Variants in THUMPD3 observed in about 807,000 individuals in gnomAD.
THUMPD3 encodes THUMP domain 3 tRNA guanosine methyltransferase.
THUMPD3 carries 44 observed loss-of-function variants against 54.5 expected under a neutral mutation model. That is an observed-to-expected ratio of 0.81 (90% confidence interval 0.63 to 1.04). The LOEUF is 1.04. Ranked by LOEUF, THUMPD3 falls within the 50% of genes least tolerant of loss-of-function variation. The pLI, the probability that THUMPD3 is intolerant of heterozygous loss-of-function variation, is 0.00. For missense variants in THUMPD3, 604 were observed against 601.3 expected (o/e 1.00, Z -0.05); for synonymous variants, 196 against 201.4 (o/e 0.97, Z 0.23).
At chr3:9,368,355 C>T (rs1575055955) in intron 3 of THUMPD3, among the ~76,000 whole-genome samples, 1 of 129,348 alleles carries the variant, frequency 7.7e-6, no homozygotes, top group Non-Finnish European at 1.6e-5. Flanking sequence ...CCTCCACCCG[C>T]GCATATTTTT....
chr3:9,379,006 G>C (rs2032677672), intron 6 of THUMPD3, among the ~76,000 whole-genome samples: 1 of 152,110 alleles, frequency 6.6e-6, no homozygotes, highest in African/African-American at 2.4e-5. Flanking sequence ...TTCCATGTAA[G>C]AGTAGACATG....
In THUMPD3 at chr3:9,377,843, T is replaced by C. The variant is rs1016171250; in HGVS notation, c.963T>C (p.Asp321=). 9 of 1,613,602 alleles carry C rather than the reference T, an allele frequency of 5.6e-6. No homozygotes were observed. The highest frequency in any genetic ancestry group is 4.0e-5 in the African/African-American group (3 of 74,896). ...GGCTCTGTGATCCTCTACCTTATGATATAATAGTCGATCCAATGTGTGGAA... is the reference window on the plus strand; with the variant it reads ...GGCTCTGTGATCCTCTACCTTATGACATAATAGTCGATCCAATGTGTGGAA... ...MLRLCDPLPY[D]IIVDPMCGTG... The change falls in exon 6 of 10, where the codon GAT becomes GAC. Residue 321 remains aspartate, a synonymous_variant. Coordinates refer to ENST00000452837, the MANE Select transcript of THUMPD3 (RefSeq NM_001114092.2).
chr3:9,380,815 C>T, intron 7 of THUMPD3, 197 bp downstream of exon 7: 1 of 405,936 alleles, frequency 2.5e-6, no homozygotes, highest in Admixed American at 4.2e-5. Context: ...GATAATTTCC[C>T]CACCATATGC....
chr3:9,377,118 G>A (rs2032513065), intron 5 of THUMPD3, among the ~76,000 whole-genome samples: 1 of 152,122 alleles, frequency 6.6e-6, no homozygotes, highest in African/African-American at 2.4e-5. Flanking sequence ...ATTGATGCAT[G>A]TTTGACTTGA....
intron 5 of THUMPD3, among the ~76,000 whole-genome samples, chr3:9,377,465 C>G (rs1344795338): frequency 6.6e-6 from 1 of 152,134 alleles, no homozygotes; most frequent in African/African-American, 2.4e-5. Context: ...TCCCCGCCTT[C>G]TGGGTTCAAG....
chr3:9,382,753 G>A (rs902921502), intron 7 of THUMPD3, among the ~76,000 whole-genome samples: 2 of 152,160 alleles, frequency 1.3e-5, no homozygotes, highest in Non-Finnish European at 2.9e-5. Flanking sequence ...TGAGACGGGG[G>A]TCTTGCTCTG....
At chr3:9,371,613 A>C in intron 4 of THUMPD3, 77 bp downstream of exon 4, 2 of 1,227,516 alleles carry the variant, frequency 1.6e-6, no homozygotes, top group Non-Finnish European at 2.3e-6. Flanking sequence ...ACCCAATGTT[A>C]TGCACAATTA....
chr3:9,384,020 AT>A (rs979971112), intron 8 of THUMPD3, among the ~76,000 whole-genome samples, 191 bp from the exon 9 acceptor site: 1 of 152,112 alleles, frequency 6.6e-6, no homozygotes, highest in Non-Finnish European at 1.5e-5. Flanking sequence ...TCTAAAAAAA[AT>A]TTTTTTGATT....
rs2032805513 is a variant in THUMPD3 at position 9,380,565 on chromosome 3, T to G, written c.1071T>G (p.Asn357Lys). 1 of 1,613,752 alleles carries G rather than the reference T, an allele frequency of 6.2e-7. No individual in the cohort carries two copies. Among genetic ancestry groups the G allele is most frequent in the Admixed American group, 1.7e-5 (1 of 59,980 alleles). ...GTGATAATAATCCACTGGCTGTGAATAGAGCAGCAAATAACATTGCATCTT... is the reference window on the plus strand; with the variant it reads ...GTGATAATAATCCACTGGCTGTGAAGAGAGCAGCAAATAACATTGCATCTT... ...IAGDNNPLAV[N>K]RAANNIASLL... Residue 357 changes from asparagine (N) to lysine (K), a missense_variant, in exon 7 of 10, where the codon AAT (asparagine) becomes AAG (lysine). Transcript: ENST00000452837.
At chr3:9,382,968 A>C (rs1665227958) in intron 7 of THUMPD3, 1 of 378,748 alleles carries the variant, frequency 2.6e-6, no homozygotes, top group African/African-American at 2.0e-5. Flanking sequence ...GAGTCCAGTG[A>C]TCCTCCCACC....
rs549691212 is a variant in THUMPD3 at position 9,378,021 on chromosome 3, A to G, written c.1008+133A>G. 8.5e-6 allele frequency: 6 copies of G among 702,148 alleles called. No individual in the cohort carries two copies. In the Admixed American group the frequency reaches 1.7e-4, roughly 20 times the overall value. 43.5% of individuals were successfully genotyped at this position (702,148 alleles called of 1,614,324 possible). The stretch of plus-strand genomic sequence containing the variant: ...CAAGAGTTTTAAAACAATTAACAAT[A>G]GAAAGTGGAACTTTTTTGTAAAGAA... On this transcript the variant is annotated intron_variant, in intron 6 of 9. Coordinates refer to ENST00000452837, the MANE Select transcript of THUMPD3 (RefSeq NM_001114092.2).
In THUMPD3 at chr3:9,371,554, C is replaced by T; in HGVS notation, c.807+18C>T. 6.4e-7 allele frequency: 1 copy of T among 1,570,318 alleles called. No homozygotes were observed. The highest frequency in any genetic ancestry group is 8.7e-7 in the Non-Finnish European group (1 of 1,151,564). ...ATGTGGAGGTAGGTATAGGCTCTGA[C>T]TGTGGTGATTGAAGAATGCTGTCAC... On this transcript the variant is annotated intron_variant, in intron 4 of 9. Coordinates refer to ENST00000452837, the MANE Select transcript of THUMPD3 (RefSeq NM_001114092.2).
chr3:9,370,540 G>A (rs1226514802), intron 3 of THUMPD3, among the ~76,000 whole-genome samples: 2 of 152,194 alleles, frequency 1.3e-5, no homozygotes, highest in African/African-American at 2.4e-5. Context: ...GACCTCCCAG[G>A]CTCAAGCAGT....
chr3:9,377,609 AAGCGATCCACCCATCTC>A (rs2032562154), intron 5 of THUMPD3, among the ~76,000 whole-genome samples, 193 bp from the exon 6 acceptor site: 1 of 152,086 alleles, frequency 6.6e-6, no homozygotes, highest in Admixed American at 6.6e-5. Context: ...TCCTGACCTC[AAGCGATCCACCCATCTC>A]AGCCTCCCAA....
chr3:9,372,858 C>A (rs952657716), intron 4 of THUMPD3, among the ~76,000 whole-genome samples: 1 of 152,194 alleles, frequency 6.6e-6, no homozygotes, highest in African/African-American at 2.4e-5. Flanking sequence ...ATTTCCGTTG[C>A]TTTTGGGACA....
chr3:9,383,667 A>G (rs989970706), intron 8 of THUMPD3, among the ~76,000 whole-genome samples: 1 of 151,276 alleles, frequency 6.6e-6, no homozygotes, highest in South Asian at 2.1e-4. Flanking sequence ...TCTGTTGCCC[A>G]GGCTGGAGTG....
chr3:9,383,532 G>A (rs1259003072), intron 8 of THUMPD3, among the ~76,000 whole-genome samples: 1 of 152,066 alleles, frequency 6.6e-6, no homozygotes, highest in African/African-American at 2.4e-5. Flanking sequence ...TAAATTACCT[G>A]TAATTCACTT....
chr3:9,377,400 C>T (rs578144798), intron 5 of THUMPD3, among the ~76,000 whole-genome samples: 9 of 152,062 alleles, frequency 5.9e-5, no homozygotes, highest in Admixed American at 1.3e-4. Context: ...ATTTTTGAGA[C>T]GGAGTCTTGC....
At position 9,385,914 on chromosome 3, in the gene THUMPD3, T is replaced by C. The variant is rs913757188; in HGVS notation, c.*1226T>C. 1.3e-5 allele frequency: 2 copies of C among 152,226 alleles called. No homozygotes were observed. Among genetic ancestry groups the C allele is most frequent in the Non-Finnish European group, 2.9e-5 (2 of 68,040 alleles). 9.4% of individuals were successfully genotyped at this position (152,226 alleles called of 1,614,324 possible). A position where few individuals can be genotyped will look rare whatever the true frequency, so the allele number is the denominator to read the frequency against. On this transcript the variant is annotated 3_prime_UTR_variant, in exon 10 of 10. Coordinates refer to ENST00000452837, the MANE Select transcript of THUMPD3 (RefSeq NM_001114092.2). ...TCCTTCTTGAGAGTTTTGTGGAAAA[T>C]GGTGCTTCCCTGGAACAAAGAGTAG...
Sources: allele counts gnomAD v4.1 joint callset (sites outside exome capture counted in the v4.1 genomes callset), GRCh38; gene constraint gnomAD v4.1.1; transcripts MANE v1.5; gene names NCBI Gene and HGNC (gene_info 2026-07-23, HGNC 2026-07-21).